The following WDR45B variants were observed in gnomAD, a reference collection of about 807,000 sequenced individuals.
WDR45B encodes the protein WD repeat domain phosphoinositide-interacting protein 3.
WDR45B carries 20 observed loss-of-function variants against 44.6 expected under a neutral mutation model. That is an observed-to-expected ratio of 0.45 (90% CI 0.32 to 0.65). WDR45B has a LOEUF of 0.65. WDR45B is among the 30% of genes least tolerant of loss of function. WDR45B has a pLI of 0.05. For missense variants in WDR45B, 323 were observed against 430.2 expected, an observed-to-expected ratio of 0.75 and a Z score of 2.20; for synonymous variants, 169 against 164.9, an observed-to-expected ratio of 1.02 and a Z score of -0.19.
Position 82,644,015 on chromosome 17 carries a change from C to G in WDR45B, c.76G>C (p.Ala26Pro). Residue 26 changes from alanine (A) to proline (P), a missense_variant, in exon 2 of 10, where the codon GCG (alanine) becomes CCG (proline). Physicochemically the swap from Ala to Pro is conservative, Grantham distance 27 (BLOSUM62 -1). Coordinates refer to ENST00000392325, the MANE Select transcript of WDR45B (RefSeq NM_019613.4). Reference sequence around the variant, plus strand: ...CGGAATCCATTTTCCATCCCACACGCAAAGCATCCTAAAGCAGAAGTGTAA... The same window carrying G: ...CGGAATCCATTTTCCATCCCACACGGAAAGCATCCTAAAGCAGAAGTGTAA... ...AGFNQDHGCF[A>P]CGMENGFRVY... 6.2e-7 allele frequency: 1 copy of G among 1,614,098 alleles called. No individual in the cohort carries two copies.
intron 2 of WDR45B, among the ~76,000 whole-genome samples, chr17:82,643,621 G>A (rs1360146145): frequency 6.6e-6 from 1 of 152,094 alleles, no homozygotes; most frequent in Non-Finnish European, 1.5e-5. Context: ...CTACATCCCA[G>A]GGTTACAGGT....
chr17:82,626,818 G>A (rs926475509), intron 4 of WDR45B: 1 of 268,942 alleles, frequency 3.7e-6, no homozygotes, highest in Non-Finnish European at 7.2e-6. Context: ...CCTTCAAACC[G>A]AAAACCTTTA....
intron 7 of WDR45B, among the ~76,000 whole-genome samples, chr17:82,618,475 G>A (rs930082474): frequency 6.6e-6 from 1 of 152,190 alleles, no homozygotes; most frequent in East Asian, 1.9e-4. Context: ...AAGCCAGAGC[G>A]CTGGTGACGA....
intron 5 of WDR45B, among the ~76,000 whole-genome samples, chr17:82,623,260 G>A (rs1018032477): frequency 6.6e-6 from 1 of 151,714 alleles, no homozygotes; most frequent in Non-Finnish European, 1.5e-5. Flanking sequence ...GGTGGCGGGT[G>A]CCTGTAATCC....
chr17:82,638,459 T>C (rs1249327531), intron 2 of WDR45B, among the ~76,000 whole-genome samples: 9 of 151,186 alleles, frequency 6.0e-5, no homozygotes, highest in Non-Finnish European at 1.3e-4. Context: ...AACCAAAATA[T>C]ATAATTACAC....
chr17:82,623,997 C>T (rs1472241077), intron 5 of WDR45B, among the ~76,000 whole-genome samples: 2 of 152,076 alleles, frequency 1.3e-5, no homozygotes, highest in African/African-American at 2.4e-5. Flanking sequence ...GGAAAATAAA[C>T]GGCCGCATTT....
chr17:82,643,599 C>T (rs2045942924), intron 2 of WDR45B, among the ~76,000 whole-genome samples: 1 of 152,168 alleles, frequency 6.6e-6, no homozygotes, highest in Non-Finnish European at 1.5e-5. Context: ...ACATAAAGCA[C>T]CACTTACTGT....
At chr17:82,632,492 G>GT (rs1159892100) in intron 2 of WDR45B, among the ~76,000 whole-genome samples, 1 of 152,046 alleles carries the variant, frequency 6.6e-6, no homozygotes, top group African/African-American at 2.4e-5. Context: ...CATGAATTAC[G>GT]TAAGAGGAAA....
rs780663827 is a variant in WDR45B, at chr17:82,617,212, TG to T, written c.806+83del. 2.3e-5 allele frequency: 29 copies of T among 1,249,778 alleles called. No homozygotes were observed. In the African/African-American group the frequency reaches 2.7e-4, roughly 12 times the overall value. 77.4% of individuals were successfully genotyped at this position (1,249,778 alleles called of 1,614,324 possible). On this transcript the variant is annotated intron_variant, in intron 8 of 9. Coordinates refer to ENST00000392325, the MANE Select transcript of WDR45B (RefSeq NM_019613.4). The stretch of plus-strand genomic sequence containing the variant: ...GTCTGTCCACACCACCCTGCTGGGG[TG>T]GGGGGCCTGTCCCGTCCACACTGAA...
At chr17:82,629,865 T>C (rs1397603287) in intron 3 of WDR45B, 1 of 985,092 alleles carries the variant, frequency 1.0e-6, no homozygotes, top group Non-Finnish European at 1.2e-6. Flanking sequence ...AGATCCTAGT[T>C]CACCCACTCA....
intron 2 of WDR45B, among the ~76,000 whole-genome samples, chr17:82,634,947 C>T (rs8065123): frequency 0.2 from 31,035 of 151,772 alleles, 3,547 homozygotes; most frequent in Middle Eastern, 0.29. Flanking sequence ...TATATGATGG[C>T]ATTCACGGGA....
At chr17:82,623,483 C>T (rs1197596719) in intron 5 of WDR45B, among the ~76,000 whole-genome samples, 2 of 151,154 alleles carry the variant, frequency 1.3e-5, no homozygotes, top group East Asian at 1.9e-4. Context: ...AGGTGGATCA[C>T]GAGGTCAGGA....
chr17:82,621,421 T>C (rs1350668597), intron 6 of WDR45B, among the ~76,000 whole-genome samples, 188 bp downstream of exon 6: 1 of 152,202 alleles, frequency 6.6e-6, no homozygotes, highest in Admixed American at 6.5e-5. Context: ...AACCAGTCCC[T>C]GGGCACAAGA....
chr17:82,633,421 TG>T (rs1462414039), intron 2 of WDR45B, among the ~76,000 whole-genome samples: 2 of 152,150 alleles, frequency 1.3e-5, no homozygotes, highest in African/African-American at 4.8e-5. Flanking sequence ...AATTTACAAA[TG>T]GCCAACAAGT....
rs142986938 is a variant in WDR45B, at chr17:82,632,293, C to T, written c.143-1271G>A. Among the ~76,000 whole-genome samples the T allele has an allele frequency of 2.1e-3, 314 of 152,038 alleles. 2 individuals are homozygous for T. The highest frequency in any genetic ancestry group is 3.2e-3 in the Non-Finnish European group (216 of 67,978). On this transcript the variant is annotated intron_variant, in intron 2 of 9. Coordinates refer to ENST00000392325, the MANE Select transcript of WDR45B (RefSeq NM_019613.4). ...CCTCCTGCTTCAGCCTCCCGAGTAG[C>T]TGGGACTACAGGCACACATCACCGC... is the stretch of plus-strand genomic sequence containing the variant.
At chr17:82,646,501 A>C (rs1002841278) in intron 1 of WDR45B, among the ~76,000 whole-genome samples, 5 of 147,174 alleles carry the variant, frequency 3.4e-5, no homozygotes, top group East Asian at 2.0e-4. Flanking sequence ...AAAAAAAAAA[A>C]AAAAAAAAAA....
Position 82,623,517 on chromosome 17 carries a change from T to A in WDR45B, c.428-1718A>T, listed in dbSNP as rs551461478. Among the ~76,000 whole-genome samples, 305 of 151,398 alleles carry A rather than the reference T, an allele frequency of 2.0e-3. 4 individuals carry two copies. Among genetic ancestry groups the A allele is most frequent in the Non-Finnish European group, 7.5e-4 (51 of 67,916 alleles). On this transcript the variant is annotated intron_variant, in intron 5 of 9. Coordinates refer to ENST00000392325, the MANE Select transcript of WDR45B (RefSeq NM_019613.4). ...GAGATCAAGACCAGCCTGGCCAACATGGTAAAACCCCGTCTCTACTAAAAA... is the reference window on the plus strand; with the variant it reads ...GAGATCAAGACCAGCCTGGCCAACAAGGTAAAACCCCGTCTCTACTAAAAA...
intron 2 of WDR45B, among the ~76,000 whole-genome samples, chr17:82,639,245 C>T (rs2045878241): frequency 6.6e-6 from 1 of 151,976 alleles, no homozygotes; most frequent in African/African-American, 2.4e-5. Context: ...AGATTGGTCT[C>T]GGCATTCTTA....
chr17:82,619,939 G>C (rs1297170686), intron 6 of WDR45B, among the ~76,000 whole-genome samples: 1 of 152,184 alleles, frequency 6.6e-6, no homozygotes, highest in Non-Finnish European at 1.5e-5. Flanking sequence ...CACCGCTGCG[G>C]CTAAGAAAGC....
Sources: allele counts gnomAD v4.1 joint callset (sites outside exome capture counted in the v4.1 genomes callset), GRCh38; gene constraint gnomAD v4.1.1; transcripts MANE v1.5; gene names NCBI Gene and HGNC (gene_info 2026-07-23, HGNC 2026-07-21).